The following TLL2 variants were observed in gnomAD, a reference collection of about 807,000 sequenced individuals.
The protein encoded by TLL2 is tolloid-like protein 2.
A neutral mutation model predicts 123.0 loss-of-function variants in TLL2; 106 were observed. The ratio of observed to expected loss-of-function variants is 0.86; its 90% CI spans 0.74 to 1.01. The LOEUF (loss-of-function observed/expected upper bound fraction) is 1.01, where lower values mean the gene tolerates loss of function less well. Among genes scored for constraint, TLL2 ranks in the 50% least tolerant of loss-of-function variants. TLL2 has a pLI of 0.00. For missense variants in TLL2, 1,332 were observed against 1,336.7 expected, an observed-to-expected ratio of 1.00 and a Z score of 0.06; for synonymous variants, 494 against 516.8, an observed-to-expected ratio of 0.96 and a Z score of 0.60.
At chr10:96,411,643 G>A (rs1490131092) in intron 8 of TLL2, among the ~76,000 whole-genome samples, 1 of 152,220 alleles carries the variant, frequency 6.6e-6, no homozygotes, top group African/African-American at 2.4e-5. Flanking sequence ...CAAAGACACT[G>A]GTTTGCTGAG....
At chr10:96,376,889 G>C (rs1846143559) in intron 17 of TLL2, 70 bp from the exon 18 acceptor site, 1 of 1,438,910 alleles carries the variant, frequency 6.9e-7, no homozygotes, top group Non-Finnish European at 9.1e-7. Context: ...AAGGATTCTA[G>C]GGGGGTCTCC....
intron 2 of TLL2, among the ~76,000 whole-genome samples, chr10:96,473,979 G>A (rs1043568966): frequency 4.6e-5 from 7 of 152,092 alleles, no homozygotes; most frequent in Admixed American, 3.3e-4. Flanking sequence ...CAAGAGGGTC[G>A]GAAAGTGTAT....
At chr10:96,431,223 C>T (rs1015098881) in intron 4 of TLL2, among the ~76,000 whole-genome samples, 1 of 152,164 alleles carries the variant, frequency 6.6e-6, no homozygotes, top group Non-Finnish European at 1.5e-5. Flanking sequence ...CCTTTCTCTG[C>T]TGTGAGAACA....
chr10:96,429,369 A>AGGATAG (rs1846713855), intron 4 of TLL2, among the ~76,000 whole-genome samples: 1 of 151,722 alleles, frequency 6.6e-6, no homozygotes, highest in Non-Finnish European at 1.5e-5. Context: ...TTTTCAAAAA[A>AGGATAG]AAAAAAAGCT....
chr10:96,389,153 G>A (rs943832583), intron 13 of TLL2, among the ~76,000 whole-genome samples: 1 of 152,152 alleles, frequency 6.6e-6, no homozygotes, highest in Non-Finnish European at 1.5e-5. Flanking sequence ...TCAGACCTGG[G>A]GTGGATCCTC....
rs541755882 is a variant in TLL2 at position 96,417,580 on chromosome 10, AG to A, written c.923+3375del. Among the ~76,000 whole-genome samples the A allele has an allele frequency of 3.5e-3, 536 of 152,354 alleles. 1 individual carries two copies. Among genetic ancestry groups the A allele is most frequent in the Non-Finnish European group, 6.2e-3 (423 of 68,032 alleles). On this transcript the variant is annotated intron_variant, in intron 7 of 20. Transcript: ENST00000357947. Reference sequence around the variant, plus strand: ...CTTGCTTTGACCAACAGAATGTGGCAGAAGTGATGTCATGCAAGTTCCAGAG... The same window carrying A: ...CTTGCTTTGACCAACAGAATGTGGCAAAGTGATGTCATGCAAGTTCCAGAG...
At chr10:96,387,480 A>G (rs1004054661) in intron 13 of TLL2, among the ~76,000 whole-genome samples, 2 of 152,218 alleles carry the variant, frequency 1.3e-5, no homozygotes, top group South Asian at 2.1e-4. Flanking sequence ...TCTCAGAGAT[A>G]TTAAATAAAG....
At chr10:96,406,916 A>C (rs1001115714) in intron 9 of TLL2, among the ~76,000 whole-genome samples, 2 of 151,970 alleles carry the variant, frequency 1.3e-5, no homozygotes, top group Non-Finnish European at 2.9e-5. Flanking sequence ...TTTTTAAGAT[A>C]TCCGCATCCC....
At chr10:96,436,057 C>T (rs1272217503) in intron 3 of TLL2, among the ~76,000 whole-genome samples, 1 of 152,096 alleles carries the variant, frequency 6.6e-6, no homozygotes, top group Non-Finnish European at 1.5e-5. Flanking sequence ...ATAACCTATT[C>T]TTCATGGTAG....
At chr10:96,421,521 G>A (rs1439446664) in intron 6 of TLL2, among the ~76,000 whole-genome samples, 9 of 151,958 alleles carry the variant, frequency 5.9e-5, no homozygotes, top group Non-Finnish European at 8.8e-5. Context: ...AAAATTAGCC[G>A]GGCATGGTGG....
intron 7 of TLL2, among the ~76,000 whole-genome samples, chr10:96,418,388 T>A (rs1846586251): frequency 1.3e-5 from 2 of 152,154 alleles, no homozygotes; most frequent in Admixed American, 6.5e-5. Context: ...ATGCCCTACA[T>A]GGTACAGACT....
At chr10:96,481,692 T>C (rs1467095472) in intron 1 of TLL2, among the ~76,000 whole-genome samples, 5 of 152,330 alleles carry the variant, frequency 3.3e-5, no homozygotes, top group African/African-American at 1.2e-4. Context: ...AATGAAGACA[T>C]GGACTAAGAA....
intron 2 of TLL2, among the ~76,000 whole-genome samples, chr10:96,462,943 G>A (rs1847094261): frequency 6.6e-6 from 1 of 152,226 alleles, no homozygotes; most frequent in Admixed American, 6.5e-5. Flanking sequence ...CAGTATGTGA[G>A]TTGAAACAAG....
At chr10:96,376,221 A>C (rs1389838965) in intron 18 of TLL2, among the ~76,000 whole-genome samples, 1 of 152,228 alleles carries the variant, frequency 6.6e-6, no homozygotes, top group South Asian at 2.1e-4. Context: ...ACTGACAGTC[A>C]TGATTGTGCA....
chr10:96,456,338 A>T (rs1589426905), intron 2 of TLL2, among the ~76,000 whole-genome samples: 1 of 152,178 alleles, frequency 6.6e-6, no homozygotes, highest in Admixed American at 6.5e-5. Context: ...GCTCACAGAC[A>T]CATGTGTGTA....
intron 7 of TLL2, among the ~76,000 whole-genome samples, chr10:96,418,787 G>A (rs951771452): frequency 2.7e-5 from 4 of 146,980 alleles, no homozygotes; most frequent in African/African-American, 9.9e-5. Flanking sequence ...AATGAATATT[G>A]ATTTCATTTG....
intron 1 of TLL2, among the ~76,000 whole-genome samples, chr10:96,494,015 T>C (rs1847444374): frequency 1.3e-5 from 2 of 152,190 alleles, no homozygotes. Flanking sequence ...CTGCACAGGA[T>C]GCTGGTCCCA....
At chr10:96,392,005 C>T (rs1012943905) in intron 13 of TLL2, among the ~76,000 whole-genome samples, 1 of 152,228 alleles carries the variant, frequency 6.6e-6, no homozygotes, top group Non-Finnish European at 1.5e-5. Context: ...CCAAGGTCCA[C>T]ACCCACACAG....
Position 96,432,904 on chromosome 10 carries a change from C to T in TLL2, c.423G>A (p.Lys141=). ...HSPGTLHAAA[K]TFSPRVRRAT... ...CTCTTCGGACCCGGGGAGAGAAGGTCTTGGCTGCGGCATGCAAGGTCCCAG... is the reference window on the plus strand; with the variant it reads ...CTCTTCGGACCCGGGGAGAGAAGGTTTTGGCTGCGGCATGCAAGGTCCCAG... The change falls in exon 4 of 21, where the codon AAG becomes AAA. Residue 141 remains lysine, a synonymous_variant. Transcript: ENST00000357947. 6.2e-7 allele frequency: 1 copy of T among 1,614,102 alleles called. No individual in the cohort carries two copies. Among genetic ancestry groups the T allele is most frequent in the South Asian group, 1.1e-5 (1 of 91,074 alleles).
Sources: allele counts gnomAD v4.1 joint callset (sites outside exome capture counted in the v4.1 genomes callset), GRCh38; gene constraint gnomAD v4.1.1; transcripts MANE v1.5; gene names NCBI Gene and HGNC (gene_info 2026-07-23, HGNC 2026-07-21).